DNAJC1: variants seen among roughly 807,000 people sequenced by gnomAD.
DNAJC1 encodes DnaJ heat shock protein family (Hsp40) member C1, also known as dnaJ homolog subfamily C member 1.
In DNAJC1, 58 loss-of-function variants were observed where a neutral mutation model predicts 76.6. The ratio of observed to expected loss-of-function variants is 0.76; its 90% CI spans 0.61 to 0.94. The LOEUF is 0.94. Among genes scored for constraint, DNAJC1 ranks in the 40% least tolerant of loss-of-function variants. The pLI is 0.00. For synonymous variants in DNAJC1, 258 were observed against 267.9 expected (o/e 0.96, Z 0.36); for missense variants, 689 against 677.3 (o/e 1.02, Z -0.19).
intron 11 of DNAJC1, among the ~76,000 whole-genome samples, chr10:21,757,029 G>A (rs1159536342): frequency 1.3e-5 from 2 of 152,190 alleles, no homozygotes; most frequent in Non-Finnish European, 2.9e-5. Flanking sequence ...CATCATAATC[G>A]GGTCTTTCAG....
Position 21,864,552 on chromosome 10 carries a change from G to A in DNAJC1, c.978+17730C>T, listed in dbSNP as rs570581067. Among the ~76,000 whole-genome samples the A allele has an allele frequency of 3.3e-5, 5 of 152,120 alleles. No homozygotes were observed. In the East Asian group the frequency reaches 7.7e-4, roughly 24 times the overall value. On this transcript the variant is annotated intron_variant, in intron 8 of 11. Transcript: ENST00000376980. ...CAGGAGAATTGCTTGAACCCGGGGGGTGGAGGTTGCAGTGAACCGATATCA... is the reference window on the plus strand; with the variant it reads ...CAGGAGAATTGCTTGAACCCGGGGGATGGAGGTTGCAGTGAACCGATATCA...
At chr10:21,843,033 G>C (rs1354579867) in intron 8 of DNAJC1, among the ~76,000 whole-genome samples, 1 of 152,064 alleles carries the variant, frequency 6.6e-6, no homozygotes, top group African/African-American at 2.4e-5. Context: ...AAAGAGTATC[G>C]ATATTGAATA....
intron 9 of DNAJC1, among the ~76,000 whole-genome samples, chr10:21,775,406 G>A (rs1834441815): frequency 7.0e-6 from 1 of 142,844 alleles, no homozygotes; most frequent in Non-Finnish European, 1.5e-5. Context: ...CATATCCATG[G>A]CAGATGATGG....
At chr10:21,780,861 C>T (rs1197170630) in intron 9 of DNAJC1, among the ~76,000 whole-genome samples, 1 of 152,124 alleles carries the variant, frequency 6.6e-6, no homozygotes, top group Non-Finnish European at 1.5e-5. Context: ...ATCTCATGTG[C>T]AGAGACACAC....
intron 9 of DNAJC1, among the ~76,000 whole-genome samples, chr10:21,797,883 T>A (rs1213666998): frequency 6.6e-6 from 1 of 152,198 alleles, no homozygotes; most frequent in Non-Finnish European, 1.5e-5. Context: ...CACTCTCAGG[T>A]AGTCTGTTAC....
intron 6 of DNAJC1, among the ~76,000 whole-genome samples, chr10:21,914,804 T>A (rs1293240898): frequency 6.6e-6 from 1 of 152,188 alleles, no homozygotes; most frequent in Non-Finnish European, 1.5e-5. Context: ...GTATACAAAG[T>A]GGGCACTTAA....
At chr10:21,891,754 G>A (rs969741860) in intron 7 of DNAJC1, among the ~76,000 whole-genome samples, 1 of 152,134 alleles carries the variant, frequency 6.6e-6, no homozygotes, top group African/African-American at 2.4e-5. Context: ...AAGACATCCT[G>A]AGATGAAGGA....
intron 3 of DNAJC1, among the ~76,000 whole-genome samples, chr10:21,927,861 T>C (rs948176512): frequency 1.3e-5 from 2 of 152,116 alleles, no homozygotes; most frequent in Non-Finnish European, 2.9e-5. Flanking sequence ...TACATAAATA[T>C]ATTGCCAGTC....
chr10:21,834,598 T>A (rs1835418775), intron 8 of DNAJC1, among the ~76,000 whole-genome samples: 2 of 152,188 alleles, frequency 1.3e-5, no homozygotes, highest in Non-Finnish European at 2.9e-5. Context: ...AGACGGCACC[T>A]GGAAAATCGG....
chr10:21,882,622 T>C (rs1477430855), intron 7 of DNAJC1, among the ~76,000 whole-genome samples, 183 bp from the exon 8 acceptor site: 2 of 152,168 alleles, frequency 1.3e-5, no homozygotes, highest in African/African-American at 4.8e-5. Context: ...AAACTCAGAG[T>C]TGCTACTATT....
intron 1 of DNAJC1, among the ~76,000 whole-genome samples, chr10:21,980,003 TC>T (rs1198695557): frequency 1.3e-5 from 2 of 152,056 alleles, no homozygotes; most frequent in African/African-American, 4.8e-5. Flanking sequence ...TTTGTCTTGT[TC>T]CCCAGCTTAT....
chr10:21,771,362 C>T (rs1427802991), intron 9 of DNAJC1, among the ~76,000 whole-genome samples: 1 of 152,204 alleles, frequency 6.6e-6, no homozygotes, highest in Non-Finnish European at 1.5e-5. Flanking sequence ...TGTTCTTGAT[C>T]TTAGCAGGAA....
intron 8 of DNAJC1, among the ~76,000 whole-genome samples, chr10:21,826,002 C>T (rs922415754): frequency 5.3e-5 from 8 of 152,058 alleles, no homozygotes; most frequent in African/African-American, 1.7e-4. Flanking sequence ...TTTGGGATGC[C>T]TAGGCAGGCA....
chr10:21,976,502 ATCT>A (rs1271791258), intron 1 of DNAJC1, among the ~76,000 whole-genome samples: 10 of 152,210 alleles, frequency 6.6e-5, no homozygotes, highest in Non-Finnish European at 2.9e-5. Context: ...TACATGCCAC[ATCT>A]TCTTCTGGCC....
At chr10:22,002,352 A>C (rs182290169) in intron 1 of DNAJC1, among the ~76,000 whole-genome samples, 2 of 152,318 alleles carry the variant, frequency 1.3e-5, no homozygotes, top group East Asian at 3.9e-4. Context: ...ACAAGGCTTC[A>C]GGTAGAGACT....
At chr10:21,805,142 A>G (rs1452251241) in intron 9 of DNAJC1, among the ~76,000 whole-genome samples, 1 of 152,136 alleles carries the variant, frequency 6.6e-6, no homozygotes, top group Non-Finnish European at 1.5e-5. Flanking sequence ...TGGAAGGGGA[A>G]ATTTAAATCT....
rs749072396 is a variant in DNAJC1 at position 21,756,642 on chromosome 10, A to C, written c.*45T>G. The stretch of plus-strand genomic sequence containing the variant: ...CAAATTTCTGCATAAGATTTTTAAG[A>C]TATTCATTTTGGAAAATGAAGGTGA... On this transcript the variant is annotated 3_prime_UTR_variant, in exon 12 of 12. Coordinates refer to ENST00000376980, the MANE Select transcript of DNAJC1 (RefSeq NM_022365.4). 1 of 1,447,490 alleles carries C rather than the reference A, an allele frequency of 6.9e-7. No individual in the cohort carries two copies. Among genetic ancestry groups the C allele is most frequent in the Non-Finnish European group, 9.7e-7 (1 of 1,029,694 alleles). 89.7% of individuals were successfully genotyped at this position (1,447,490 alleles called of 1,614,324 possible). A position where few individuals can be genotyped will look rare whatever the true frequency, so the allele number is the denominator to read the frequency against.
chr10:21,950,992 T>G (rs2131807373), intron 1 of DNAJC1, among the ~76,000 whole-genome samples: 1 of 152,298 alleles, frequency 6.6e-6, no homozygotes, highest in East Asian at 1.9e-4. Flanking sequence ...ATGGAGAAGC[T>G]GCAGAAATGC....
intron 8 of DNAJC1, among the ~76,000 whole-genome samples, chr10:21,810,062 T>C (rs2131644660): frequency 6.6e-6 from 1 of 152,256 alleles, no homozygotes; most frequent in Admixed American, 6.5e-5. Flanking sequence ...TTCATTAGCC[T>C]TAATTATCTC....
Sources: gnomAD v4.1 joint callset for allele counts (sites outside exome capture counted in the v4.1 genomes callset) on GRCh38, gnomAD v4.1.1 for gene constraint, MANE v1.5 for transcripts, NCBI Gene and HGNC (gene_info 2026-07-23, HGNC 2026-07-21) for gene names.